Variants in SLC18B1 observed in about 807,000 individuals in gnomAD.
The protein encoded by SLC18B1 is solute carrier family 18 member B1.
SLC18B1 carries 62 observed loss-of-function variants against 53.9 expected under a neutral mutation model. That is an observed-to-expected ratio of 1.15 (90% CI 0.94 to 1.42). The LOEUF (loss-of-function observed/expected upper bound fraction) is 1.42, where lower values mean the gene tolerates loss of function less well. SLC18B1 is among the 40% of genes most tolerant of loss of function. The pLI is 0.00. For missense variants in SLC18B1, 598 were observed against 547.3 expected, an observed-to-expected ratio of 1.09 and a Z score of -0.93; for synonymous variants, 217 against 200.9, an observed-to-expected ratio of 1.08 and a Z score of -0.68.
At chr6:132,783,904 C>A in intron 6 of SLC18B1, 29 bp downstream of exon 6, 1 of 1,462,422 alleles carries the variant, frequency 6.8e-7, no homozygotes, top group Non-Finnish European at 9.1e-7. Flanking sequence ...ATTTAAGGTT[C>A]TTAAAATGAG....
intron 2 of SLC18B1, among the ~76,000 whole-genome samples, chr6:132,795,182 A>C (rs1261977138): frequency 6.6e-6 from 1 of 151,486 alleles, no homozygotes; most frequent in Non-Finnish European, 1.5e-5. Flanking sequence ...AAAAAAAAAC[A>C]GTCTTATAAC....
At chr6:132,770,376 C>T (rs41286184) in intron 13 of SLC18B1, 40 bp from the exon 14 acceptor site, 38,912 of 1,526,038 alleles carry the variant, frequency 0.025, 648 homozygotes, top group South Asian at 0.051. Context: ...CAATATTTCT[C>T]ATCTTAAAAA....
chr6:132,769,383 A>T lies in SLC18B1; in HGVS notation c.*887T>A, dbSNP rs1249756478. Reference sequence around the variant, plus strand: ...GACCAAGAAGCATGAGAGTTACACAATAGACATTTATTCACTTCAACATCA... The same window carrying T: ...GACCAAGAAGCATGAGAGTTACACATTAGACATTTATTCACTTCAACATCA... On this transcript the variant is annotated 3_prime_UTR_variant, in exon 14 of 14. Coordinates refer to ENST00000275227, the MANE Select transcript of SLC18B1 (RefSeq NM_052831.3). 4.6e-5 allele frequency: 7 copies of T among 152,244 alleles called. No individual in the cohort carries two copies. Among genetic ancestry groups the T allele is most frequent in the Non-Finnish European group, 1.5e-5 (1 of 68,036 alleles). The allele number at this position is 152,244 out of a possible 1,614,324, so 9.4% of individuals were successfully genotyped here.
At chr6:132,783,590 T>C (rs981625332) in intron 6 of SLC18B1, among the ~76,000 whole-genome samples, 1 of 152,252 alleles carries the variant, frequency 6.6e-6, no homozygotes, top group Non-Finnish European at 1.5e-5. Flanking sequence ...AGGATGGGCA[T>C]TGTTCTCCTA....
chr6:132,798,327 A>G, intron 1 of SLC18B1, 87 bp downstream of exon 1: 1 of 1,343,042 alleles, frequency 7.4e-7, no homozygotes, highest in East Asian at 2.8e-5. Flanking sequence ...AAACAGATCA[A>G]GCTATAAGCA....
chr6:132,798,331 A>G, intron 1 of SLC18B1, 83 bp downstream of exon 1: 1 of 1,377,830 alleles, frequency 7.3e-7, no homozygotes, highest in South Asian at 1.5e-5. Flanking sequence ...AGATCAAGCT[A>G]TAAGCAATTC....
In SLC18B1 at chr6:132,782,423, T is replaced by G. The variant is rs1466162130; in HGVS notation, c.658+1510A>C. Among the ~76,000 whole-genome samples the G allele has an allele frequency of 3.3e-5, 5 of 152,310 alleles. No individual in the cohort carries two copies. In the East Asian group the frequency reaches 9.6e-4, roughly 29 times the overall value. On this transcript the variant is annotated intron_variant, in intron 6 of 13. Transcript: ENST00000275227. ...TTTTATGGTGAGAACACTTAAAATC[T>G]ACTATTGGCAATTTTCAAGTGTCCA...
rs956391343 is a variant in SLC18B1, at chr6:132,783,827, A to G, written c.658+106T>C. 4.0e-5 allele frequency: 36 copies of G among 901,126 alleles called. No homozygotes were observed. In the Admixed American group the frequency reaches 1.2e-3, roughly 30 times the overall value. The allele number at this position is 901,126 out of a possible 1,614,324, so 55.8% of individuals were successfully genotyped here. On this transcript the variant is annotated intron_variant, in intron 6 of 13. Transcript: ENST00000275227. Reference sequence around the variant, plus strand: ...CTGAAAAAAGAATCAGTTATTTTTAAAAGCTATTTTTGATTATATAAAATA... The same window carrying G: ...CTGAAAAAAGAATCAGTTATTTTTAGAAGCTATTTTTGATTATATAAAATA...
chr6:132,774,795 C>A (rs1781060898), intron 8 of SLC18B1, among the ~76,000 whole-genome samples: 1 of 151,882 alleles, frequency 6.6e-6, no homozygotes, highest in Admixed American at 6.6e-5. Context: ...TCTGTAATCC[C>A]AGCTACTCAG....
intron 8 of SLC18B1, 30 bp downstream of exon 8, chr6:132,776,298 G>A (rs747487275): frequency 1.7e-5 from 26 of 1,547,186 alleles, no homozygotes; most frequent in Admixed American, 5.1e-5. Flanking sequence ...ACATACAAAA[G>A]TGACTCAAAT....
intron 5 of SLC18B1, among the ~76,000 whole-genome samples, chr6:132,786,262 C>T (rs571194145): frequency 2.6e-5 from 4 of 152,194 alleles, no homozygotes; most frequent in East Asian, 1.9e-4. Flanking sequence ...GTGGGAAGAA[C>T]GTGCCGGGCA....
intron 6 of SLC18B1, 87 bp downstream of exon 6, chr6:132,783,846 T>C: frequency 1.9e-6 from 2 of 1,071,566 alleles, no homozygotes; most frequent in South Asian, 3.4e-5. Context: ...TTTGATTATA[T>C]AAAATAATAA....
At chr6:132,797,375 G>C (rs1212357703) in intron 1 of SLC18B1, among the ~76,000 whole-genome samples, 1 of 152,168 alleles carries the variant, frequency 6.6e-6, no homozygotes, top group Admixed American at 6.5e-5. Flanking sequence ...CGAGGCAGGC[G>C]GATCACGAGG....
rs148696736 is a variant in SLC18B1 at position 132,776,424 on chromosome 6, A to C, written c.801T>G (p.Asn267Lys). 2.5e-6 allele frequency: 4 copies of C among 1,611,204 alleles called. No individual in the cohort carries two copies. Among genetic ancestry groups the C allele is most frequent in the Non-Finnish European group, 3.4e-6 (4 of 1,178,310 alleles). Residue 267 changes from asparagine to lysine, a missense_variant, in exon 8 of 14, where the codon AAT (asparagine) becomes AAG (lysine). Asn to Lys is a moderately conservative substitution (Grantham distance 94). Coordinates refer to ENST00000275227, the MANE Select transcript of SLC18B1 (RefSeq NM_052831.3). ...TLSLFVLEKF[N>K]LPAGYVGLVF... Reference sequence around the variant, plus strand: ...CTAGTCCCACATATCCAGCTGGTAAATTGAACTGTAAAAGAAATCCTATAT... The same window carrying C: ...CTAGTCCCACATATCCAGCTGGTAACTTGAACTGTAAAAGAAATCCTATAT...
At position 132,798,495 on chromosome 6, in the gene SLC18B1, C is replaced by T. The variant is rs755739794; in HGVS notation, c.-39G>A. On this transcript the variant is annotated 5_prime_UTR_variant, in exon 1 of 14. Coordinates refer to ENST00000275227, the MANE Select transcript of SLC18B1 (RefSeq NM_052831.3). The stretch of plus-strand genomic sequence containing the variant: ...ACTCCGGCGCCCCAGCTCCCGGCTT[C>T]AAGCCACGTCCTTGGACTCGACCTC... 6.8e-7 allele frequency: 1 copy of T among 1,464,648 alleles called. No individual in the cohort carries two copies. The allele number at this position is 1,464,648 out of a possible 1,614,324, so 90.7% of individuals were successfully genotyped here. A position where few individuals can be genotyped will look rare whatever the true frequency, so the allele number is the denominator to read the frequency against.
chr6:132,783,359 T>A (rs1781285470), intron 6 of SLC18B1, among the ~76,000 whole-genome samples: 2 of 152,174 alleles, frequency 1.3e-5, no homozygotes, highest in South Asian at 4.1e-4. Context: ...ATATTTTTAG[T>A]AGACACAGGG....
Position 132,790,217 on chromosome 6 carries a change from G to T in SLC18B1, c.239C>A (p.Ala80Asp). The T allele has an allele frequency of 6.3e-7, 1 of 1,578,522 alleles. No individual in the cohort carries two copies. The highest frequency in any genetic ancestry group is 8.6e-7 in the Non-Finnish European group (1 of 1,159,652). Residue 80 changes from alanine to aspartate, a missense_variant, in exon 3 of 14, where the codon GCT (alanine) becomes GAT (aspartate). Physicochemically the swap from Ala to Asp is moderately radical, Grantham distance 126 (BLOSUM62 -2). Coordinates refer to ENST00000275227, the MANE Select transcript of SLC18B1 (RefSeq NM_052831.3). ...TIIGMIFGCF[A>D]LFELLASLVF... ...CAAGGATGCCAGCAACTCGAACAAAGCAAAACATCCAAAGATCATACCGAT... is the reference window on the plus strand; with the variant it reads ...CAAGGATGCCAGCAACTCGAACAAATCAAAACATCCAAAGATCATACCGAT...
chr6:132,785,278 A>T (rs1195835979), intron 5 of SLC18B1, among the ~76,000 whole-genome samples: 1 of 152,174 alleles, frequency 6.6e-6, no homozygotes, highest in Non-Finnish European at 1.5e-5. Context: ...AGCAACTGTT[A>T]TATGTAGAAT....
rs532324665 is a variant in SLC18B1 at position 132,782,758 on chromosome 6, C to G, written c.658+1175G>C. ...TGATTTTCTAGCATCTAGCTATAAA[C>G]TCTTCTAAAATAATAACAATTTTTT... is the stretch of plus-strand genomic sequence containing the variant. On this transcript the variant is annotated intron_variant, in intron 6 of 13. Coordinates refer to ENST00000275227, the MANE Select transcript of SLC18B1 (RefSeq NM_052831.3). Among the ~76,000 whole-genome samples, 17 of 151,896 alleles carry G rather than the reference C, an allele frequency of 1.1e-4. No homozygotes were observed. The South Asian group carries it at 3.5e-3, about 32-fold the overall frequency.
Sources: allele counts gnomAD v4.1 joint callset (sites outside exome capture counted in the v4.1 genomes callset), GRCh38; gene constraint gnomAD v4.1.1; transcripts MANE v1.5; gene names NCBI Gene and HGNC (gene_info 2026-07-23, HGNC 2026-07-21).